KCNB2: variants seen among roughly 807,000 people sequenced by gnomAD.
KCNB2 encodes potassium voltage-gated channel subfamily B member 2.
Under a neutral mutation model 61.5 loss-of-function variants are expected in KCNB2, and 15 were observed. The ratio of observed to expected loss-of-function variants is 0.24; its 90% CI spans 0.16 to 0.38. The LOEUF (loss-of-function observed/expected upper bound fraction) is 0.38. Ranked by LOEUF, KCNB2 falls within the 10% of genes least tolerant of loss-of-function variation. The probability of loss-of-function intolerance (pLI) is 1.00; values close to 1 mark genes in which losing one functional copy is unlikely to be tolerated. For missense variants in KCNB2, 828 were observed against 1,125.2 expected, an observed-to-expected ratio of 0.74 and a Z score of 3.78; for synonymous variants, 457 against 446.0, an observed-to-expected ratio of 1.02 and a Z score of -0.31.
intron 2 of KCNB2, among the ~76,000 whole-genome samples, chr8:72,645,195 A>G (rs866379596): frequency 3.9e-5 from 6 of 152,112 alleles, no homozygotes; most frequent in Admixed American, 2.0e-4. Context: ...CCTAGATCCT[A>G]TCTCCAACCT....
intron 2 of KCNB2, among the ~76,000 whole-genome samples, chr8:72,904,596 CA>C (rs1806141982): frequency 6.6e-6 from 1 of 151,944 alleles, no homozygotes; most frequent in African/African-American, 2.4e-5. Flanking sequence ...AAGATATATA[CA>C]AATTAAATTA....
intron 2 of KCNB2, among the ~76,000 whole-genome samples, chr8:72,605,460 A>G (rs925429626): frequency 6.6e-6 from 1 of 152,314 alleles, no homozygotes; most frequent in East Asian, 1.9e-4. Context: ...GCATGGCTTT[A>G]AAGGATTTTC....
intron 2 of KCNB2, among the ~76,000 whole-genome samples, chr8:72,722,398 C>T (rs1056371792): frequency 6.6e-6 from 1 of 152,230 alleles, no homozygotes; most frequent in Non-Finnish European, 1.5e-5. Flanking sequence ...CCTCCCTCTC[C>T]CACTATCCTC....
At chr8:72,864,504 G>A (rs957265411) in intron 2 of KCNB2, among the ~76,000 whole-genome samples, 2 of 152,174 alleles carry the variant, frequency 1.3e-5, no homozygotes, top group African/African-American at 4.8e-5. Context: ...CTGTGGTAGA[G>A]GAGGTATAAA....
intron 2 of KCNB2, among the ~76,000 whole-genome samples, chr8:72,572,880 C>T (rs1362017059): frequency 3.3e-5 from 5 of 152,290 alleles, no homozygotes; most frequent in Middle Eastern, 3.4e-3. Flanking sequence ...TTCCTGCCTG[C>T]ATCTTACTCC....
intron 2 of KCNB2, among the ~76,000 whole-genome samples, chr8:72,713,033 G>GGTCCT (rs1807351938): frequency 6.6e-6 from 1 of 152,200 alleles, no homozygotes; most frequent in Admixed American, 6.5e-5. Context: ...TGGCTTGGAG[G>GGTCCT]GTCCTACGCC....
At chr8:72,929,428 G>T (rs543681436) in intron 2 of KCNB2, among the ~76,000 whole-genome samples, 3 of 152,274 alleles carry the variant, frequency 2.0e-5, no homozygotes, top group African/African-American at 7.2e-5. Flanking sequence ...TCATCCAGGT[G>T]ATTCAAGGGA....
Position 72,889,326 on chromosome 8 carries a change from G to A in KCNB2, c.580-46609G>A, listed in dbSNP as rs183315162. On this transcript the variant is annotated intron_variant, in intron 2 of 2. Transcript: ENST00000523207. ...GATAAGGTAGGAATTTAAACTAGAGGCACGTTTTCACACAGCCTCACTCAA... is the reference window on the plus strand; with the variant it reads ...GATAAGGTAGGAATTTAAACTAGAGACACGTTTTCACACAGCCTCACTCAA... Among the ~76,000 whole-genome samples, 3 of 152,250 alleles carry A rather than the reference G, an allele frequency of 2.0e-5. No individual in the cohort carries two copies. In the East Asian group the frequency reaches 5.8e-4, roughly 29 times the overall value.
At chr8:72,561,251 G>C (rs896945306) in intron 1 of KCNB2, among the ~76,000 whole-genome samples, 1 of 151,546 alleles carries the variant, frequency 6.6e-6, no homozygotes, top group Non-Finnish European at 1.5e-5. Flanking sequence ...CTGCCTCCCA[G>C]GTTCTGGCAA....
intron 1 of KCNB2, among the ~76,000 whole-genome samples, chr8:72,562,602 T>C (rs1326044781): frequency 6.6e-6 from 1 of 152,182 alleles, no homozygotes; most frequent in Non-Finnish European, 1.5e-5. Context: ...ATTTTGCCCT[T>C]GACATGAAAA....
intron 2 of KCNB2, among the ~76,000 whole-genome samples, chr8:72,891,771 T>C (rs1190548198): frequency 6.6e-6 from 1 of 152,202 alleles, no homozygotes; most frequent in Non-Finnish European, 1.5e-5. Context: ...CAGGCTAATC[T>C]AAAGGGATGC....
intron 2 of KCNB2, among the ~76,000 whole-genome samples, chr8:72,851,015 C>T (rs1406606602): frequency 6.7e-6 from 1 of 149,540 alleles, no homozygotes; most frequent in Non-Finnish European, 1.5e-5. Context: ...TGGCATAAAC[C>T]AAGGCATCCA....
At chr8:72,815,915 A>G (rs1312377798) in intron 2 of KCNB2, among the ~76,000 whole-genome samples, 1 of 152,192 alleles carries the variant, frequency 6.6e-6, no homozygotes, top group Non-Finnish European at 1.5e-5. Context: ...AAATGGTGAC[A>G]TAATATAAAA....
intron 2 of KCNB2, among the ~76,000 whole-genome samples, chr8:72,655,869 G>T (rs900074197): frequency 2.0e-5 from 3 of 152,062 alleles, no homozygotes; most frequent in African/African-American, 7.2e-5. Flanking sequence ...TGTGGTTGCT[G>T]GGCAGTCAGT....
At chr8:72,699,771 G>T (rs1807083535) in intron 2 of KCNB2, among the ~76,000 whole-genome samples, 1 of 151,968 alleles carries the variant, frequency 6.6e-6, no homozygotes, top group Non-Finnish European at 1.5e-5. Context: ...TAATCATTGT[G>T]GAAGACAATT....
intron 2 of KCNB2, among the ~76,000 whole-genome samples, chr8:72,871,334 A>G (rs988922304): frequency 2.0e-5 from 3 of 152,252 alleles, no homozygotes; most frequent in African/African-American, 7.2e-5. Context: ...AAATGAATGC[A>G]TACCTCACAA....
At chr8:72,866,021 C>A (rs1260260680) in intron 2 of KCNB2, among the ~76,000 whole-genome samples, 1 of 152,160 alleles carries the variant, frequency 6.6e-6, no homozygotes, top group Non-Finnish European at 1.5e-5. Context: ...TGTGGTCACT[C>A]CATAAATATT....
At chr8:72,757,188 A>G (rs1808303988) in intron 2 of KCNB2, among the ~76,000 whole-genome samples, 2 of 152,118 alleles carry the variant, frequency 1.3e-5, no homozygotes, top group Admixed American at 1.3e-4. Flanking sequence ...AACTGTCATG[A>G]AAGACAAAGG....
At chr8:72,658,785 C>T (rs1806333568) in intron 2 of KCNB2, among the ~76,000 whole-genome samples, 1 of 152,322 alleles carries the variant, frequency 6.6e-6, no homozygotes, top group South Asian at 2.1e-4. Context: ...TAAATCCTCT[C>T]TGCCTATGCT....
Sources: gnomAD v4.1 joint callset for allele counts (sites outside exome capture counted in the v4.1 genomes callset) on GRCh38, gnomAD v4.1.1 for gene constraint, MANE v1.5 for transcripts, NCBI Gene and HGNC (gene_info 2026-07-23, HGNC 2026-07-21) for gene names.